The following SMG7 variants were observed in gnomAD, a reference collection of about 807,000 sequenced individuals.
The protein encoded by SMG7 is SMG7 nonsense mediated mRNA decay factor.
SMG7 carries 34 observed loss-of-function variants against 148.2 expected under a neutral mutation model. The observed-to-expected ratio is 0.23, with a 90% CI of 0.17 to 0.31. SMG7 has a LOEUF of 0.31. SMG7 is among the 10% of genes least tolerant of loss of function. The probability of loss-of-function intolerance (pLI) is 1.00; values close to 1 mark genes in which losing one functional copy is unlikely to be tolerated. For missense variants in SMG7, 1,114 were observed against 1,408.4 expected (o/e 0.79, Z 3.35); for synonymous variants, 492 against 515.1 (o/e 0.96, Z 0.61).
intron 1 of SMG7, among the ~76,000 whole-genome samples, chr1:183,478,868 T>G (rs1228230062): frequency 6.6e-6 from 1 of 152,222 alleles, no homozygotes; most frequent in Non-Finnish European, 1.5e-5. Context: ...ATTATTCATC[T>G]GTTTGTAGGT....
intron 1 of SMG7, among the ~76,000 whole-genome samples, chr1:183,486,887 G>A (rs946360090): frequency 3.3e-5 from 5 of 152,134 alleles, no homozygotes; most frequent in Non-Finnish European, 5.9e-5. Context: ...TTTCTTCGTA[G>A]AGATGGGTCT....
At chr1:183,479,287 C>T (rs1653468220) in intron 1 of SMG7, among the ~76,000 whole-genome samples, 1 of 152,062 alleles carries the variant, frequency 6.6e-6, no homozygotes, top group Admixed American at 6.6e-5. Context: ...CGACTTGGTC[C>T]AGATAGTTCT....
rs73054016 is a variant in SMG7 at position 183,526,578 on chromosome 1, T to C, written c.313-18T>C. Reference sequence around the variant, plus strand: ...GCACTTGTGACTTACTACTAAATTTTGTTTGTTTTTCTTTTAGTTATTACA... The same window carrying C: ...GCACTTGTGACTTACTACTAAATTTCGTTTGTTTTTCTTTTAGTTATTACA... On this transcript the variant is annotated intron_variant, in intron 4 of 22. Coordinates refer to ENST00000688051, the MANE Select transcript of SMG7 (RefSeq NM_001375584.1). 3.5e-3 allele frequency: 5,463 copies of C among 1,568,596 alleles called. 184 individuals carry two copies. In the African/African-American group the frequency reaches 0.067, roughly 19 times the overall value.
intron 1 of SMG7, chr1:183,502,287 G>C (rs1659914112): frequency 3.3e-6 from 5 of 1,533,318 alleles, no homozygotes; most frequent in Non-Finnish European, 4.4e-6. Flanking sequence ...TGAGAAATTG[G>C]ATGTTCTTGC....
intron 1 of SMG7, chr1:183,508,239 G>A (rs1042904128): frequency 1.9e-6 from 1 of 539,400 alleles, no homozygotes; most frequent in Non-Finnish European, 2.4e-6. Context: ...CATTGCCCAG[G>A]TTGGAATGCA....
chr1:183,495,783 G>T (rs371370972), intron 1 of SMG7, among the ~76,000 whole-genome samples: 1 of 151,864 alleles, frequency 6.6e-6, no homozygotes, highest in Non-Finnish European at 1.5e-5. Context: ...CAAGAGAATC[G>T]CTTGAACCCA....
At position 183,515,882 on chromosome 1, in the gene SMG7, C is replaced by T. The variant is rs986139186; in HGVS notation, c.70C>T (p.Leu24=). The T allele has an allele frequency of 4.3e-6, 7 of 1,609,652 alleles. No homozygotes were observed. Among genetic ancestry groups the T allele is most frequent in the Middle Eastern group, 1.6e-4 (1 of 6,074 alleles). Reference sequence around the variant, plus strand: ...TTGTTTTTGTTACTCAGATTCTAAGCTGGGTCCAGCTGAAGTCTGGACATC... The same window carrying T: ...TTGTTTTTGTTACTCAGATTCTAAGTTGGGTCCAGCTGAAGTCTGGACATC... ...VLKADMTDSK[L]GPAEVWTSRQ... The change falls in exon 3 of 23, where the codon CTG becomes TTG. Residue 24 remains leucine (L), a synonymous_variant. Transcript: ENST00000688051.
chr1:183,553,225 G>C lies in SMG7; in HGVS notation c.*1294G>C, dbSNP rs752319419. 6.6e-7 allele frequency: 1 copy of C among 1,515,886 alleles called. No homozygotes were observed. Among genetic ancestry groups the C allele is most frequent in the South Asian group, 1.2e-5 (1 of 82,904 alleles). 93.9% of individuals were successfully genotyped at this position (1,515,886 alleles called of 1,614,324 possible). ...AAACTCTTTGTATGATATTTATTAGGAGGAAAGAGGACTGAAAATGTTCTT... is the reference window on the plus strand; with the variant it reads ...AAACTCTTTGTATGATATTTATTAGCAGGAAAGAGGACTGAAAATGTTCTT... On this transcript the variant is annotated 3_prime_UTR_variant, in exon 23 of 23. Coordinates refer to ENST00000688051, the MANE Select transcript of SMG7 (RefSeq NM_001375584.1).
chr1:183,543,622 T>C (rs931042351), intron 14 of SMG7, among the ~76,000 whole-genome samples: 1 of 152,220 alleles, frequency 6.6e-6, no homozygotes, highest in Non-Finnish European at 1.5e-5. Flanking sequence ...ATCTCCTTTT[T>C]TGGTTTCTCA....
intron 14 of SMG7, among the ~76,000 whole-genome samples, chr1:183,543,946 G>T (rs1293113197): frequency 6.6e-6 from 1 of 152,144 alleles, no homozygotes; most frequent in Admixed American, 6.5e-5. Context: ...TGGGTTAATA[G>T]TCATTATTAG....
intron 4 of SMG7, among the ~76,000 whole-genome samples, chr1:183,524,144 A>G (rs1314094032): frequency 1.3e-5 from 2 of 151,688 alleles, no homozygotes; most frequent in Non-Finnish European, 2.9e-5. Flanking sequence ...AGTGCAGTGT[A>G]TATCATAGCT....
At chr1:183,543,528 T>G (rs1669331854) in intron 14 of SMG7, among the ~76,000 whole-genome samples, 1 of 152,088 alleles carries the variant, frequency 6.6e-6, no homozygotes, top group African/African-American at 2.4e-5. Context: ...ATCCGAGTTT[T>G]AGAGATAATG....
intron 1 of SMG7, among the ~76,000 whole-genome samples, chr1:183,480,179 T>C (rs980280003): frequency 3.8e-4 from 58 of 152,282 alleles, no homozygotes; most frequent in African/African-American, 1.3e-3. Context: ...TCAGGATCTT[T>C]TTTCACTTGT....
chr1:183,532,375 G>A (rs1667020664), intron 8 of SMG7, among the ~76,000 whole-genome samples: 1 of 152,150 alleles, frequency 6.6e-6, no homozygotes, highest in South Asian at 2.1e-4. Context: ...AAGTATTTTT[G>A]CCTGCAGGTA....
chr1:183,537,268 T>A, intron 11 of SMG7, 53 bp downstream of exon 11: 1 of 1,291,102 alleles, frequency 7.7e-7, no homozygotes, highest in Non-Finnish European at 1.1e-6. Flanking sequence ...TCATTAATGG[T>A]GGCTTAATGC....
chr1:183,550,006 A>C, intron 20 of SMG7, 83 bp downstream of exon 20: 5 of 867,402 alleles, frequency 5.8e-6, no homozygotes, highest in Non-Finnish European at 8.6e-6. Context: ...CTGTAATTAC[A>C]AATATATCAT....
chr1:183,545,004 G>T lies in SMG7; in HGVS notation c.2062G>T (p.Gly688Cys). Residue 688 changes from glycine to cysteine, a missense_variant, in exon 16 of 23, where the codon GGT (glycine) becomes TGT (cysteine). Gly to Cys is a radical substitution (Grantham distance 159, BLOSUM62 -3). This residue lies in a region of SMG7 where 788 missense variants were observed against 894.5 expected (regional missense o/e 0.88). Transcript: ENST00000688051. ...SMGSGYTFPA[G>C]VSVPGTFLQP... ...GGGCTCAGGTTACACCTTCCCAGCT[G>T]GTGTTTCTGTCCCAGGAACCTTTCT... 1.9e-6 allele frequency: 3 copies of T among 1,613,752 alleles called. No homozygotes were observed. The highest frequency in any genetic ancestry group is 2.5e-6 in the Non-Finnish European group (3 of 1,179,902).
Position 183,527,907 on chromosome 1 carries a change from C to T in SMG7, c.485-49C>T, listed in dbSNP as rs1158262504. 3.8e-6 allele frequency: 5 copies of T among 1,303,464 alleles called. No individual in the cohort carries two copies. The highest frequency in any genetic ancestry group is 3.6e-5 in the South Asian group (3 of 83,592). The allele number at this position is 1,303,464 out of a possible 1,614,324, so 80.7% of individuals were successfully genotyped here. On this transcript the variant is annotated intron_variant, in intron 5 of 22. Coordinates refer to ENST00000688051, the MANE Select transcript of SMG7 (RefSeq NM_001375584.1). This position sits in a 1 kb window ranked among gnomAD's most constrained non-coding sequence, Gnocchi z 4.0. ...ACTATAGCTGTTTTGGAAATACTAC[C>T]CTACTGTTTGTTTTTTGGGTTTTTT...
Position 183,523,417 on chromosome 1 carries a change from A to G in SMG7, c.313-3179A>G, listed in dbSNP as rs550859540. On this transcript the variant is annotated intron_variant, in intron 4 of 22. Coordinates refer to ENST00000688051, the MANE Select transcript of SMG7 (RefSeq NM_001375584.1). The stretch of plus-strand genomic sequence containing the variant: ...GCTTATAGGTTCATTTTCCAGTTTT[A>G]TAGTTCCATGATTATAATTTGGGAA... Among the ~76,000 whole-genome samples the G allele has an allele frequency of 3.3e-5, 5 of 152,296 alleles. No homozygotes were observed. In the South Asian group the frequency reaches 1.0e-3, roughly 32 times the overall value.
Sources: gnomAD v4.1 joint callset for allele counts (sites outside exome capture counted in the v4.1 genomes callset) on GRCh38, gnomAD v4.1.1 for gene constraint, gnomAD v4.1.1 regional missense constraint, Gnocchi (gnomAD v3.1) non-coding constraint, MANE v1.5 for transcripts, NCBI Gene and HGNC (gene_info 2026-07-23, HGNC 2026-07-21) for gene names.